The following MMAA variants were observed in gnomAD, a reference collection of about 807,000 sequenced individuals.
MMAA encodes the protein metabolism of cobalamin associated A, also known as methylmalonic aciduria type A protein, mitochondrial.
MMAA carries 41 observed loss-of-function variants against 45.0 expected under a neutral mutation model. That is an observed-to-expected ratio of 0.91 (90% CI 0.71 to 1.18). The LOEUF (loss-of-function observed/expected upper bound fraction) is 1.18. MMAA is among the 50% of genes most tolerant of loss of function. The pLI is 0.00. For missense variants in MMAA, 460 were observed against 495.7 expected (o/e 0.93, Z 0.68); for synonymous variants, 154 against 178.2 (o/e 0.86, Z 1.08).
Position 145,639,172 on chromosome 4 carries a change from T to C in MMAA, c.33T>C (p.His11=), listed in dbSNP as rs370983676. The change falls in exon 2 of 7, where the codon CAT becomes CAC. Residue 11 remains histidine (H), a synonymous_variant. Transcript: ENST00000649156. MPMLLPHPHQ[H]FLKGLLRAPF... is the part of the protein sequence containing the mutation. ...TGCTGCTACCACATCCTCACCAGCA[T>C]TTCCTAAAAGGCCTTTTAAGAGCAC... 39 of 1,614,076 alleles carry C rather than the reference T, an allele frequency of 2.4e-5. No individual in the cohort carries two copies. Among genetic ancestry groups the C allele is most frequent in the Non-Finnish European group, 3.3e-5 (39 of 1,180,030 alleles).
At chr4:145,622,857 C>G (rs1470516038) in intron 1 of MMAA, among the ~76,000 whole-genome samples, 1 of 152,046 alleles carries the variant, frequency 6.6e-6, no homozygotes, top group Admixed American at 6.6e-5. Context: ...AAAAATAATA[C>G]AAAGCTCTTT....
chr4:145,643,184 G>A (rs1050889981), intron 3 of MMAA, among the ~76,000 whole-genome samples: 1 of 152,124 alleles, frequency 6.6e-6, no homozygotes, highest in African/African-American at 2.4e-5. Context: ...AACAGGAAAG[G>A]TTTTTTCTTC....
At chr4:145,627,981 A>G (rs148597691) in intron 1 of MMAA, among the ~76,000 whole-genome samples, 68 of 152,322 alleles carry the variant, frequency 4.5e-4, no homozygotes, top group African/African-American at 1.4e-3. Flanking sequence ...TTTTTTTAGT[A>G]TATATGCTGG....
At position 145,656,583 on chromosome 4, in the gene MMAA, C is replaced by G. The variant is rs999175069; in HGVS notation, c.*1149C>G. 2 of 151,908 alleles carry G rather than the reference C, an allele frequency of 1.3e-5. No homozygotes were observed. The highest frequency in any genetic ancestry group is 3.9e-4 in the East Asian group (2 of 5,182). 9.4% of individuals were successfully genotyped at this position (151,908 alleles called of 1,614,324 possible). Reference sequence around the variant, plus strand: ...TCATGGTCTTGTTACTACCATCATACTCTTGATATTTTAGGATACTTTAGG... The same window carrying G: ...TCATGGTCTTGTTACTACCATCATAGTCTTGATATTTTAGGATACTTTAGG... On this transcript the variant is annotated 3_prime_UTR_variant, in exon 7 of 7. Transcript: ENST00000649156.
chr4:145,628,079 A>T (rs969122217), intron 1 of MMAA, among the ~76,000 whole-genome samples: 2 of 152,250 alleles, frequency 1.3e-5, no homozygotes, highest in South Asian at 2.1e-4. Flanking sequence ...GGATTCATCA[A>T]ATTTGACTCT....
chr4:145,654,279 G>A, intron 6 of MMAA, 136 bp downstream of exon 6: 1 of 1,077,058 alleles, frequency 9.3e-7, no homozygotes, highest in East Asian at 2.5e-5. Context: ...TCATGACAAA[G>A]ACGGAGTGTG....
At chr4:145,637,528 C>G (rs911661485) in intron 1 of MMAA, among the ~76,000 whole-genome samples, 1 of 150,408 alleles carries the variant, frequency 6.6e-6, no homozygotes, top group Non-Finnish European at 1.5e-5. Flanking sequence ...TTTAAAAAAT[C>G]TTAAACTATT....
intron 1 of MMAA, among the ~76,000 whole-genome samples, chr4:145,628,982 T>C (rs546945573): frequency 3.3e-5 from 5 of 152,310 alleles, no homozygotes; most frequent in Non-Finnish European, 7.4e-5. Context: ...TTTTTAGTAA[T>C]CTGGTCTCGT....
intron 4 of MMAA, chr4:145,646,484 T>C: frequency 3.7e-6 from 1 of 271,632 alleles, no homozygotes; most frequent in Non-Finnish European, 7.0e-6. Context: ...ATTTCATATG[T>C]CTACTGTGTT....
At chr4:145,642,271 A>G (rs1727808178) in intron 2 of MMAA, 92 bp from the exon 3 acceptor site, 2 of 1,373,680 alleles carry the variant, frequency 1.5e-6, no homozygotes. Context: ...ATTAGGGGAA[A>G]TAGAAGGTAG....
In MMAA at chr4:145,646,032, T is replaced by C. The variant is rs1485100126; in HGVS notation, c.609T>C (p.Asp203=). The C allele has an allele frequency of 6.2e-7, 1 of 1,614,110 alleles. No homozygotes were observed. ...DKTRMTELSR[D]MNAYIRPSPT... is the part of the protein sequence containing the mutation. ...CCCGAATGACTGAGTTATCAAGAGA[T>C]ATGAATGCATACATCAGGCCATCTC... is the stretch of plus-strand genomic sequence containing the variant. Residue 203 remains aspartate (D), a synonymous_variant, in exon 4 of 7, where the codon GAT becomes GAC. Coordinates refer to ENST00000649156, the MANE Select transcript of MMAA (RefSeq NM_172250.3).
intron 1 of MMAA, among the ~76,000 whole-genome samples, chr4:145,637,682 A>G (rs1215387638): frequency 6.6e-6 from 1 of 152,184 alleles, no homozygotes; most frequent in East Asian, 1.9e-4. Context: ...ATTTACAAAT[A>G]CTCATAAACC....
intron 4 of MMAA, among the ~76,000 whole-genome samples, chr4:145,649,335 C>T (rs1025045048): frequency 5.9e-5 from 9 of 152,132 alleles, no homozygotes; most frequent in Non-Finnish European, 1.0e-4. Flanking sequence ...AGGCAGTCCA[C>T]AGCAGGTATG....
Position 145,657,313 on chromosome 4 carries a change from A to AT in MMAA, c.*1885dup, listed in dbSNP as rs1409365691. ...TTGTATAGAGACCAATTTCTAAGAG[A>AT]TTTTTTCACCTCTGTTTCTGTTATT... is the stretch of plus-strand genomic sequence containing the variant. On this transcript the variant is annotated 3_prime_UTR_variant, in exon 7 of 7. Coordinates refer to ENST00000649156, the MANE Select transcript of MMAA (RefSeq NM_172250.3). 3 of 152,054 alleles carry AT rather than the reference A, an allele frequency of 2.0e-5. No homozygotes were observed. Among genetic ancestry groups the AT allele is most frequent in the South Asian group, 2.1e-4 (1 of 4,812 alleles). The allele number at this position is 152,054 out of a possible 1,614,324, so 9.4% of individuals were successfully genotyped here. A position where few individuals can be genotyped will look rare whatever the true frequency, so the allele number is the denominator to read the frequency against.
In MMAA at chr4:145,654,245, A is replaced by C. The variant is rs1026370614; in HGVS notation, c.969+102A>C. On this transcript the variant is annotated intron_variant, in intron 6 of 6. Transcript: ENST00000649156. ...TAGACATATAATCAATCTTGCTTCTATGTGAAGATGATAGTTTTAAAAATC... is the reference window on the plus strand; with the variant it reads ...TAGACATATAATCAATCTTGCTTCTCTGTGAAGATGATAGTTTTAAAAATC... 5.1e-6 allele frequency: 7 copies of C among 1,367,962 alleles called. No homozygotes were observed. The African/African-American group carries it at 8.6e-5, about 17-fold the overall frequency. The allele number at this position is 1,367,962 out of a possible 1,614,324, so 84.7% of individuals were successfully genotyped here.
intron 2 of MMAA, among the ~76,000 whole-genome samples, chr4:145,641,985 G>T (rs1484982967): frequency 2.0e-5 from 3 of 152,182 alleles, no homozygotes; most frequent in African/African-American, 7.2e-5. Context: ...GAAGTATACA[G>T]AACTGAGGTA....
At chr4:145,625,465 C>A (rs1488212755) in intron 1 of MMAA, 2 of 714,576 alleles carry the variant, frequency 2.8e-6, no homozygotes, top group African/African-American at 3.5e-5. Context: ...TGGATGCTGA[C>A]TTCTGCTCTG....
chr4:145,633,196 CTTT>C (rs941603291), intron 1 of MMAA, among the ~76,000 whole-genome samples: 3 of 88,438 alleles, frequency 3.4e-5, no homozygotes, highest in Non-Finnish European at 6.6e-5. Flanking sequence ...ATTTCTTTTT[CTTT>C]TTTTTTTTTT....
intron 1 of MMAA, among the ~76,000 whole-genome samples, chr4:145,637,722 A>G (rs1005069790): frequency 2.3e-4 from 35 of 152,214 alleles, no homozygotes; most frequent in African/African-American, 7.2e-4. Context: ...ATAACTGTAA[A>G]TTTTAGTTTG....
Sources: gnomAD v4.1 joint callset for allele counts (sites outside exome capture counted in the v4.1 genomes callset) on GRCh38, gnomAD v4.1.1 for gene constraint, MANE v1.5 for transcripts, NCBI Gene and HGNC (gene_info 2026-07-23, HGNC 2026-07-21) for gene names.